The following NTM variants were observed in gnomAD, a reference collection of about 807,000 sequenced individuals.
NTM encodes the protein neurotrimin.
Under a neutral mutation model 42.1 loss-of-function variants are expected in NTM, and 13 were observed. The ratio of observed to expected loss-of-function variants is 0.31; its 90% CI spans 0.20 to 0.49. The LOEUF is 0.49. NTM is among the 20% of genes least tolerant of loss of function. The pLI is 0.99. For synonymous variants in NTM, 187 were observed against 179.2 expected, an observed-to-expected ratio of 1.04 and a Z score of -0.35; for missense variants, 373 against 452.8, an observed-to-expected ratio of 0.82 and a Z score of 1.60.
chr11:131,626,863 C>T (rs1474916638), intron 1 of NTM, among the ~76,000 whole-genome samples: 1 of 152,080 alleles, frequency 6.6e-6, no homozygotes, highest in Non-Finnish European at 1.5e-5. Context: ...GAAAAAGAGC[C>T]CAGCCCTTGT....
intron 4 of NTM, among the ~76,000 whole-genome samples, chr11:132,295,422 G>T (rs2094577865): frequency 6.6e-6 from 1 of 152,140 alleles, no homozygotes; most frequent in Non-Finnish European, 1.5e-5. Context: ...CAGAGTCACT[G>T]CTCTCTTGGA....
intron 2 of NTM, among the ~76,000 whole-genome samples, chr11:131,999,321 G>A (rs528916166): frequency 6.2e-4 from 94 of 152,272 alleles, no homozygotes; most frequent in African/African-American, 2.1e-3. Flanking sequence ...TCCCTTTCTG[G>A]ATCTTAGCCA....
At chr11:132,242,751 C>T (rs1454565944) in intron 4 of NTM, among the ~76,000 whole-genome samples, 9 of 152,264 alleles carry the variant, frequency 5.9e-5, no homozygotes, top group South Asian at 4.1e-4. Flanking sequence ...AGACTTTGGC[C>T]GAACTTTGCC....
chr11:131,753,397 A>G (rs1416437352), intron 1 of NTM, among the ~76,000 whole-genome samples: 1 of 99,168 alleles, frequency 1.0e-5, no homozygotes, highest in East Asian at 2.0e-4. Context: ...CTGGGTATAT[A>G]ACCAAAAGGA....
At chr11:131,682,037 C>G (rs988568706) in intron 1 of NTM, among the ~76,000 whole-genome samples, 1 of 152,122 alleles carries the variant, frequency 6.6e-6, no homozygotes, top group African/African-American at 2.4e-5. Context: ...AAAAGTACAC[C>G]GAGGACCCAG....
chr11:131,938,558 AAGG>A (rs1290711794), intron 2 of NTM, among the ~76,000 whole-genome samples: 3 of 152,174 alleles, frequency 2.0e-5, no homozygotes, highest in African/African-American at 7.2e-5. Flanking sequence ...GTACAATGGA[AAGG>A]AGAAGAGGTT....
At chr11:131,445,059 G>T (rs1390776239) in intron 1 of NTM, among the ~76,000 whole-genome samples, 1 of 151,312 alleles carries the variant, frequency 6.6e-6, no homozygotes, top group African/African-American at 2.5e-5. Flanking sequence ...AGCAATATTG[G>T]AATTTCACAT....
chr11:131,821,918 CAA>C (rs976369985), intron 1 of NTM, among the ~76,000 whole-genome samples: 9 of 152,272 alleles, frequency 5.9e-5, no homozygotes, highest in African/African-American at 2.2e-4. Flanking sequence ...TCTTTGTGGA[CAA>C]AAGACTCAAA....
At chr11:131,837,523 C>T (rs978264188) in intron 1 of NTM, among the ~76,000 whole-genome samples, 1 of 152,158 alleles carries the variant, frequency 6.6e-6, no homozygotes, top group African/African-American at 2.4e-5. Flanking sequence ...TTGAGAACCC[C>T]TTTTCTACTT....
intron 1 of NTM, among the ~76,000 whole-genome samples, chr11:131,883,696 A>T (rs1469738881): frequency 6.6e-6 from 1 of 152,186 alleles, no homozygotes; most frequent in South Asian, 2.1e-4. Flanking sequence ...GAAATATTAA[A>T]GCAAAAGGTG....
At chr11:131,451,599 G>A (rs1950495075) in intron 1 of NTM, among the ~76,000 whole-genome samples, 1 of 152,202 alleles carries the variant, frequency 6.6e-6, no homozygotes, top group African/African-American at 2.4e-5. Flanking sequence ...TGGTCATCTG[G>A]ACATTTTGTA....
At chr11:132,070,723 A>T (rs76564605) in intron 2 of NTM, among the ~76,000 whole-genome samples, 7 of 141,662 alleles carry the variant, frequency 4.9e-5, no homozygotes, top group Admixed American at 1.4e-4. Context: ...AACACGTCAC[A>T]CAGCCAAGTT....
In NTM at chr11:131,688,751, T is replaced by C. The variant is rs368618189; in HGVS notation, c.83-222813T>C. ...GTGTGTGGAAGACACCAGCTGCTCC[T>C]AGAGATCAGACACCCAAACCGTCAG... On this transcript the variant is annotated intron_variant, in intron 1 of 8. Transcript: ENST00000683400. Among the ~76,000 whole-genome samples the C allele has an allele frequency of 1.1e-3, 171 of 152,318 alleles. 1 individual carries two copies. Among genetic ancestry groups the C allele is most frequent in the African/African-American group, 3.9e-3 (162 of 41,576 alleles).
chr11:131,642,467 A>T, intron 1 of NTM, among the ~76,000 whole-genome samples: 1 of 152,256 alleles, frequency 6.6e-6, no homozygotes. Flanking sequence ...AATGGAGGAC[A>T]AATTGGATTT....
At chr11:131,648,085 A>G (rs2065992391) in intron 1 of NTM, among the ~76,000 whole-genome samples, 1 of 152,104 alleles carries the variant, frequency 6.6e-6, no homozygotes, top group Admixed American at 6.5e-5. Flanking sequence ...CTTAGCTCCC[A>G]CTTATAAGTG....
At chr11:131,484,070 G>A (rs1441247983) in intron 1 of NTM, among the ~76,000 whole-genome samples, 2 of 152,226 alleles carry the variant, frequency 1.3e-5, no homozygotes, top group African/African-American at 4.8e-5. Context: ...AGCAGGAGGA[G>A]GGACTGAGTC....
chr11:131,861,354 G>A (rs547320394), intron 1 of NTM, among the ~76,000 whole-genome samples: 6 of 152,258 alleles, frequency 3.9e-5, no homozygotes, highest in African/African-American at 1.4e-4. Flanking sequence ...TCCCCCAGCA[G>A]TGAGGGGCTT....
chr11:132,034,687 A>G (rs1259831174), intron 2 of NTM, among the ~76,000 whole-genome samples: 1 of 152,144 alleles, frequency 6.6e-6, no homozygotes, highest in East Asian at 1.9e-4. Context: ...AGAGGAGTAG[A>G]CTTTCTTTTT....
At chr11:131,535,576 C>T (rs1295523886) in intron 1 of NTM, 1 of 152,226 alleles carries the variant, frequency 6.6e-6, no homozygotes, top group African/African-American at 2.4e-5. Context: ...GAATCCCTGT[C>T]CCCTCCCATT....
Sources: gnomAD v4.1 joint callset for allele counts (sites outside exome capture counted in the v4.1 genomes callset) on GRCh38, gnomAD v4.1.1 for gene constraint, MANE v1.5 for transcripts, NCBI Gene and HGNC (gene_info 2026-07-23, HGNC 2026-07-21) for gene names.